The following CUX1 variants were observed in gnomAD, a reference collection of about 807,000 sequenced individuals.
The protein encoded by CUX1 is cut like homeobox 1.
A neutral mutation model predicts 158.8 loss-of-function variants in CUX1; 31 were observed. The ratio of observed to expected loss-of-function variants is 0.20; its 90% confidence interval spans 0.15 to 0.26. The LOEUF is 0.26. Among genes scored for constraint, CUX1 ranks in the 10% least tolerant of loss-of-function variants. The probability of loss-of-function intolerance (pLI) is 1.00; values close to 1 mark genes in which losing one functional copy is unlikely to be tolerated. For missense variants in CUX1, 1,589 were observed against 2,014.6 expected (o/e 0.79, Z 4.04); for synonymous variants, 879 against 862.1 (o/e 1.02, Z -0.34).
intron 3 of CUX1, among the ~76,000 whole-genome samples, chr7:102,046,569 A>ATTGTTTTTTTTTTTTTTTTTTT (rs1822831756): frequency 1.8e-5 from 1 of 55,466 alleles, no homozygotes; most frequent in Non-Finnish European, 3.2e-5. Flanking sequence ...TTTGGTTTGG[A>ATTGTTTTTTTTTTTTTTTTTTT]TTTTTTTTTT....
chr7:101,936,017 G>C (rs1233353359), intron 2 of CUX1, among the ~76,000 whole-genome samples: 3 of 152,202 alleles, frequency 2.0e-5, no homozygotes, highest in African/African-American at 7.2e-5. Flanking sequence ...ACAACGATCT[G>C]TTGTGGACCA....
intron 1 of CUX1, among the ~76,000 whole-genome samples, chr7:101,828,868 G>A (rs547123437): frequency 3.9e-5 from 6 of 152,248 alleles, no homozygotes; most frequent in African/African-American, 1.2e-4. Flanking sequence ...GCTGATGGGG[G>A]GTGGGCTTAG....
chr7:102,017,854 CAT>C (rs1818832939), intron 2 of CUX1, among the ~76,000 whole-genome samples: 1 of 152,134 alleles, frequency 6.6e-6, no homozygotes, highest in South Asian at 2.1e-4. Flanking sequence ...CTCAGAAAAA[CAT>C]GTGGTTCCTC....
At chr7:101,975,548 C>T (rs1812562336) in intron 2 of CUX1, among the ~76,000 whole-genome samples, 1 of 151,952 alleles carries the variant, frequency 6.6e-6, no homozygotes, top group Non-Finnish European at 1.5e-5. Flanking sequence ...AGAACGAGAC[C>T]CCGTCTCTAA....
chr7:102,183,450 C>G (rs916508554), intron 11 of CUX1, among the ~76,000 whole-genome samples: 2 of 152,152 alleles, frequency 1.3e-5, no homozygotes, highest in Non-Finnish European at 2.9e-5. Flanking sequence ...GATTTGGACT[C>G]ACCGTCCAGA....
chr7:102,175,701 GC>G (rs1554511710), intron 10 of CUX1, among the ~76,000 whole-genome samples: 6 of 152,060 alleles, frequency 3.9e-5, no homozygotes, highest in Non-Finnish European at 2.9e-5. Context: ...CTGTGGCTCA[GC>G]CCCACGTGCC....
chr7:102,270,585 C>A (rs1791140078), intron 14 of CUX1, among the ~76,000 whole-genome samples: 1 of 152,214 alleles, frequency 6.6e-6, no homozygotes, highest in Non-Finnish European at 1.5e-5. Flanking sequence ...CAGCAGCCAT[C>A]CCCCAATTCT....
At chr7:101,974,274 G>A (rs984596046) in intron 2 of CUX1, among the ~76,000 whole-genome samples, 9 of 152,038 alleles carry the variant, frequency 5.9e-5, no homozygotes, top group Admixed American at 1.3e-4. Context: ...CCACAGAGCC[G>A]AAAATGTCCC....
rs147451581 is a variant in CUX1 at position 101,884,040 on chromosome 7, C to T, written c.31-32075C>T. Among the ~76,000 whole-genome samples, 54 of 152,110 alleles carry T rather than the reference C, an allele frequency of 3.6e-4. 1 individual carries two copies. In the East Asian group the frequency reaches 0.01, roughly 29 times the overall value. On this transcript the variant is annotated intron_variant, in intron 1 of 23. Coordinates refer to ENST00000292535, the MANE Select transcript of CUX1 (RefSeq NM_181552.4). ...TCCTGAGTAGCTGGGACAGCAGGTA[C>T]ATGCCACCATGCCAGGCTAAGTTTT...
chr7:101,828,872 G>T (rs899473154), intron 1 of CUX1, among the ~76,000 whole-genome samples: 1 of 152,058 alleles, frequency 6.6e-6, no homozygotes, highest in African/African-American at 2.4e-5. Flanking sequence ...ATGGGGGGTG[G>T]GCTTAGCATC....
At chr7:102,198,126 G>T (rs1426709509) in intron 15 of CUX1, among the ~76,000 whole-genome samples, 1 of 152,152 alleles carries the variant, frequency 6.6e-6, no homozygotes, top group Non-Finnish European at 1.5e-5. Flanking sequence ...TGGGCGTGGT[G>T]GCGTGTACCT....
intron 6 of CUX1, among the ~76,000 whole-genome samples, chr7:102,105,529 T>TTTTA (rs1156342549): frequency 6.8e-6 from 1 of 147,912 alleles, no homozygotes; most frequent in Non-Finnish European, 1.5e-5. Context: ...TTTTTTTTTT[T>TTTTA]AAGACAGAGT....
chr7:102,191,050 T>C lies in CUX1; in HGVS notation c.1076+1179T>C, dbSNP rs533972588. ...ATCTCACTTCCATGACCAGCTGCCT[T>C]CTCTCGCCTGGGACCCCCAGCCTCC... On this transcript the variant is annotated intron_variant, in intron 12 of 23. Transcript: ENST00000292535. 2.1e-4 allele frequency among the ~76,000 whole-genome samples: 32 copies of C among 152,216 alleles called. 1 individual carries two copies. Among genetic ancestry groups the C allele is most frequent in the African/African-American group, 7.7e-4 (32 of 41,530 alleles).
At chr7:101,850,816 T>G (rs1172393879) in intron 1 of CUX1, among the ~76,000 whole-genome samples, 1 of 152,154 alleles carries the variant, frequency 6.6e-6, no homozygotes, top group Non-Finnish European at 1.5e-5. Context: ...GCCTCTCTCT[T>G]TCTCAGAATA....
At chr7:102,274,638 G>A (rs1563526477) in intron 16 of CUX1, among the ~76,000 whole-genome samples, 1 of 152,184 alleles carries the variant, frequency 6.6e-6, no homozygotes, top group Non-Finnish European at 1.5e-5. Context: ...AGGTGAATGA[G>A]CCCTCAACCT....
Position 102,256,541 on chromosome 7 carries a change from C to T in CUX1, c.*7499C>T, listed in dbSNP as rs781906707. 4 of 985,292 alleles carry T rather than the reference C, an allele frequency of 4.1e-6. No individual in the cohort carries two copies. In the Admixed American group the frequency reaches 1.8e-4, roughly 45 times the overall value. 61.0% of individuals were successfully genotyped at this position (985,292 alleles called of 1,614,324 possible). A position where few individuals can be genotyped will look rare whatever the true frequency, so the allele number is the denominator to read the frequency against. Reference sequence around the variant, plus strand: ...GGGGTTTCCCCAGCAAAATCAAACACCTGTCTCCAGAGTAGCCACTCAAAA... The same window carrying T: ...GGGGTTTCCCCAGCAAAATCAAACATCTGTCTCCAGAGTAGCCACTCAAAA... On this transcript the variant is annotated 3_prime_UTR_variant, in exon 24 of 24. Transcript: ENST00000292535.
chr7:102,046,148 T>C (rs146531424), intron 3 of CUX1, among the ~76,000 whole-genome samples: 2,069 of 152,262 alleles, frequency 0.014, 22 homozygotes, highest in Non-Finnish European at 0.02. Context: ...GGTAAGGAAA[T>C]TGAGGTCCCT....
At chr7:101,994,638 C>T (rs1366832363) in intron 2 of CUX1, among the ~76,000 whole-genome samples, 3 of 152,096 alleles carry the variant, frequency 2.0e-5, no homozygotes, top group Admixed American at 6.6e-5. Context: ...GAGCTCCCTT[C>T]CCAGATCCGT....
intron 23 of CUX1, among the ~76,000 whole-genome samples, chr7:102,246,276 A>C (rs1330223437): frequency 6.6e-6 from 1 of 152,198 alleles, no homozygotes; most frequent in African/African-American, 2.4e-5. Flanking sequence ...TGTTCACAGA[A>C]GCCACCATTT....
Sources: allele counts gnomAD v4.1 joint callset (sites outside exome capture counted in the v4.1 genomes callset), GRCh38; gene constraint gnomAD v4.1.1; transcripts MANE v1.5; gene names NCBI Gene and HGNC (gene_info 2026-07-23, HGNC 2026-07-21).